TRO: variants seen among roughly 807,000 people sequenced by gnomAD.
The protein encoded by TRO is trophinin.
Under a neutral mutation model 42.3 loss-of-function variants are expected in TRO, and 29 were observed. The observed-to-expected ratio is 0.68, with a 90% CI of 0.51 to 0.93. The LOEUF is 0.93. Among genes scored for constraint, TRO ranks in the 40% least tolerant of loss-of-function variants. The probability of loss-of-function intolerance (pLI) is 0.00; values close to 1 mark genes in which losing one functional copy is unlikely to be tolerated. For missense variants in TRO, 963 were observed against 1,127.7 expected (o/e 0.85, Z 2.09); for synonymous variants, 384 against 425.2 (o/e 0.90, Z 1.19).
In TRO at chrX:54,922,815, A is replaced by G; in HGVS notation, c.283A>G (p.Ile95Val). Residue 95 changes from isoleucine to valine, a missense_variant, in exon 3 of 13, where the codon ATT (isoleucine) becomes GTT (valine). Transcript: ENST00000173898. ...AAPPVPAANE[I>V]ATNKPKITWQ... ...CCCTCCAGTCCCAGCTGCCAATGAG[A>G]TTGCCACCAACAAGCCCAAAATAAC... 1 of 1,209,273 alleles carries G rather than the reference A, an allele frequency of 8.3e-7. No individual in the cohort carries two copies. Among genetic ancestry groups the G allele is most frequent in the Non-Finnish European group, 1.1e-6 (1 of 894,150 alleles).
At chrX:54,922,546 TG>T in intron 2 of TRO, 31 bp from the exon 3 acceptor site, 4 of 1,165,767 alleles carry the variant, frequency 3.4e-6, no homozygotes, top group Middle Eastern at 2.4e-4. Context: ...CGAGGCCAAA[TG>T]GCCCAGAGGA....
rs1319315304 is a variant in TRO at position 54,923,205 on chromosome X, G to A, written c.673G>A (p.Ala225Thr). 3.3e-6 allele frequency: 4 copies of A among 1,211,530 alleles called. No individual in the cohort carries two copies. Among genetic ancestry groups the A allele is most frequent in the Non-Finnish European group, 4.5e-6 (4 of 895,504 alleles). ...AIASATEVSL[A>T]ATATHTATTQ... ...AGCTAGTGCCACCGAGGTCTCGCTG[G>A]CTGCAACTGCCACCCATACAGCTAC... Residue 225 changes from alanine to threonine, a missense_variant, in exon 3 of 13, where the codon GCT becomes ACT. Ala to Thr is a moderately conservative substitution (Grantham distance 58). Coordinates refer to ENST00000173898, the MANE Select transcript of TRO (RefSeq NM_001039705.3).
chrX:54,924,644 C>T, intron 4 of TRO, 26 bp from the exon 5 acceptor site: 1 of 1,208,249 alleles, frequency 8.3e-7, no homozygotes, highest in Non-Finnish European at 1.1e-6. Context: ...ATGTTAAGAT[C>T]TCTCCATCTA....
chrX:54,926,451 T>C lies in TRO; in HGVS notation c.1619T>C (p.Leu540Pro). The change falls in exon 8 of 13, where the codon CTG becomes CCG. Residue 540 changes from leucine to proline, a missense_variant. By Grantham distance (98) the Leu-to-Pro change is moderately conservative. This residue lies in a region of TRO where 641 missense variants were observed against 811.3 expected (regional missense o/e 0.79). Coordinates refer to ENST00000173898, the MANE Select transcript of TRO (RefSeq NM_001039705.3). ...TPKLGLLMVI[L>P]SVIFMNGNKA... ...AAGCTGGGTCTCCTCATGGTGATTC[T>C]GAGTGTCATTTTTATGAATGGCAAC... 1.6e-6 allele frequency: 2 copies of C among 1,212,289 alleles called. No individual in the cohort carries two copies. The highest frequency in any genetic ancestry group is 2.2e-6 in the Non-Finnish European group (2 of 895,644).
At chrX:54,923,857 A>C (rs2146542085) in intron 3 of TRO, 89 bp downstream of exon 3, 2 of 934,695 alleles carry the variant, frequency 2.1e-6, no homozygotes, top group African/African-American at 2.0e-5. Flanking sequence ...TAAAAGTTTT[A>C]CTTTGAGCTA....
At position 54,929,279 on chromosome X, in the gene TRO, C is replaced by T; in HGVS notation, c.2555C>T (p.Thr852Ile). Residue 852 changes from threonine to isoleucine, a missense_variant, in exon 12 of 13, where the codon ACA becomes ATA. Physicochemically the swap from Thr to Ile is moderately conservative, Grantham distance 89 (BLOSUM62 -1). This residue lies in a region of TRO where 641 missense variants were observed against 811.3 expected (regional missense o/e 0.79). Coordinates refer to ENST00000173898, the MANE Select transcript of TRO (RefSeq NM_001039705.3). ...SGGASSGFGG[T>I]LSTTAGFSGV... is the part of the protein sequence containing the mutation. Reference sequence around the variant, plus strand: ...GGAGCCAGCTCTGGCTTTGGAGGCACACTCAGCACCACGGCTGGCTTTAGT... The same window carrying T: ...GGAGCCAGCTCTGGCTTTGGAGGCATACTCAGCACCACGGCTGGCTTTAGT... The T allele has an allele frequency of 8.3e-7, 1 of 1,211,388 alleles. No homozygotes were observed. The highest frequency in any genetic ancestry group is 1.1e-6 in the Non-Finnish European group (1 of 895,248).
At chrX:54,925,410 G>A (rs190295746) in intron 6 of TRO, among the ~76,000 whole-genome samples, 182 bp from the exon 7 acceptor site, 2 of 112,092 alleles carry the variant, frequency 1.8e-5, no homozygotes, top group Non-Finnish European at 3.8e-5. Context: ...GATGACAATA[G>A]TACATTTGCT....
Position 54,920,827 on chromosome X carries a change from C to G in TRO, c.-96C>G, listed in dbSNP as rs146989702. 2.7e-5 allele frequency: 3 copies of G among 110,436 alleles called. No individual in the cohort carries two copies. Among genetic ancestry groups the G allele is most frequent in the Admixed American group, 1.9e-4 (2 of 10,423 alleles). The allele number at this position is 110,436 out of a possible 1,213,427, so 9.1% of individuals were successfully genotyped here. On this transcript the variant is annotated 5_prime_UTR_variant, in exon 1 of 13. Coordinates refer to ENST00000173898, the MANE Select transcript of TRO (RefSeq NM_001039705.3). ...GGCCAGGGAGGGGGATAGGCTCAGA[C>G]ACAAGGAGAGGCTTGGAGAGAGCAG...
At chrX:54,924,309 G>T in intron 3 of TRO, 142 bp from the exon 4 acceptor site, 1 of 524,781 alleles carries the variant, frequency 1.9e-6, no homozygotes, top group Non-Finnish European at 3.1e-6. Flanking sequence ...GTGGCCAATG[G>T]CAAGGTCAGG....
chrX:54,930,937 G>A lies in TRO; in HGVS notation c.4213G>A (p.Gly1405Ser). ...GFGGGPNTGA[G>S]FGGGPSTSAG... ...CGGCGGTGGACCAAACACTGGTGCT[G>A]GCTTTGGTGGTGGACCGAGCACCAG... The change falls in exon 12 of 13, where the codon GGC (glycine) becomes AGC (serine). Residue 1405 changes from glycine (G) to serine (S), a missense_variant. This residue lies in a region of TRO where 641 missense variants were observed against 811.3 expected (regional missense o/e 0.79). Transcript: ENST00000173898. 2 of 1,210,210 alleles carry A rather than the reference G, an allele frequency of 1.7e-6. No individual in the cohort carries two copies. The highest frequency in any genetic ancestry group is 1.7e-5 in the African/African-American group (1 of 57,672).
chrX:54,925,494 G>C, intron 6 of TRO, 98 bp from the exon 7 acceptor site: 1 of 680,114 alleles, frequency 1.5e-6, no homozygotes, highest in Non-Finnish European at 2.3e-6. Flanking sequence ...TACACATGCA[G>C]ACCCCCTAAG....
chrX:54,923,146 C>T lies in TRO; in HGVS notation c.614C>T (p.Ala205Val), dbSNP rs1569546056. 4 of 1,211,645 alleles carry T rather than the reference C, an allele frequency of 3.3e-6. No individual in the cohort carries two copies. The highest frequency in any genetic ancestry group is 4.5e-6 in the Non-Finnish European group (4 of 895,501). Residue 205 changes from alanine (A) to valine (V), a missense_variant, in exon 3 of 13, where the codon GCT becomes GTT. Ala to Val is a moderately conservative substitution (Grantham distance 64). Around this residue, in one of 2 missense-constraint regions of TRO, gnomAD observed 322 missense variants for 316.5 expected, o/e 1.02. Transcript: ENST00000173898. ...ATAACCTCTATCAAGCCTAAGAAAG[C>T]TTCCAAGGCTAAGAAGGCTGCAAAT... ...ALITSIKPKK[A>V]SKAKKAANKA... is the part of the protein sequence containing the mutation.
chrX:54,927,319 G>A (rs1283775704), intron 10 of TRO: 4 of 503,951 alleles, frequency 7.9e-6, no homozygotes, highest in Non-Finnish European at 1.4e-5. Flanking sequence ...TGCGCTCAGA[G>A]CAGAGGGCCT....
chrX:54,923,821 C>G, intron 3 of TRO, 53 bp downstream of exon 3: 1 of 1,094,924 alleles, frequency 9.1e-7, no homozygotes, highest in South Asian at 2.2e-5. Context: ...TCCATTTCTA[C>G]CCTTCTAGTT....
At position 54,923,605 on chromosome X, in the gene TRO, C is replaced by T. The variant is rs1192796414; in HGVS notation, c.1073C>T (p.Pro358Leu). 1.3e-5 allele frequency: 16 copies of T among 1,203,996 alleles called. No homozygotes were observed. Among genetic ancestry groups the T allele is most frequent in the Non-Finnish European group, 1.7e-5 (15 of 891,504 alleles). Residue 358 changes from proline to leucine, a missense_variant, in exon 3 of 13, where the codon CCA becomes CTA. Physicochemically the swap from Pro to Leu is moderately conservative, Grantham distance 98. Transcript: ENST00000173898. ...GCTCGGGCAACTGAAAGCCAGACTCCAAATGCTGACCAAGGGGCCCAGGCC... is the reference window on the plus strand; with the variant it reads ...GCTCGGGCAACTGAAAGCCAGACTCTAAATGCTGACCAAGGGGCCCAGGCC... ...TKARATESQT[P>L]NADQGAQAKI...
At position 54,931,249 on chromosome X, in the gene TRO, C is replaced by T. The variant is rs745360564; in HGVS notation, c.*57C>T. 8 of 1,211,644 alleles carry T rather than the reference C, an allele frequency of 6.6e-6. No homozygotes were observed. In the South Asian group the frequency reaches 1.4e-4, roughly 21 times the overall value. On this transcript the variant is annotated 3_prime_UTR_variant, in exon 13 of 13. Coordinates refer to ENST00000173898, the MANE Select transcript of TRO (RefSeq NM_001039705.3). ...GATACCGCTAATAAATTGCAGTAGT[C>T]CTTCCCATGGAGCCAAAGTACATCC...
chrX:54,928,928 A>G lies in TRO; in HGVS notation c.2204A>G (p.Asp735Gly), dbSNP rs1932874866. The G allele has an allele frequency of 9.1e-6, 11 of 1,210,540 alleles. No homozygotes were observed. The highest frequency in any genetic ancestry group is 1.1e-5 in the Non-Finnish European group (10 of 895,165). The change falls in exon 12 of 13, where the codon GAT becomes GGT. Residue 735 changes from aspartate to glycine, a missense_variant. Physicochemically the swap from Asp to Gly is moderately conservative, Grantham distance 94. This residue lies in a region of TRO where 641 missense variants were observed against 811.3 expected (regional missense o/e 0.79). Coordinates refer to ENST00000173898, the MANE Select transcript of TRO (RefSeq NM_001039705.3). ...RGASTRAGFS[D>G]GASISFNGAP... is the part of the protein sequence containing the mutation. Reference sequence around the variant, plus strand: ...GCTAGTACCAGGGCTGGCTTCAGCGATGGTGCTAGTATTAGCTTCAATGGT... The same window carrying G: ...GCTAGTACCAGGGCTGGCTTCAGCGGTGGTGCTAGTATTAGCTTCAATGGT...
At position 54,929,186 on chromosome X, in the gene TRO, C is replaced by T. The variant is rs200675591; in HGVS notation, c.2462C>T (p.Ala821Val). 4.1e-6 allele frequency: 5 copies of T among 1,212,360 alleles called. No individual in the cohort carries two copies. The highest frequency in any genetic ancestry group is 5.6e-6 in the Non-Finnish European group (5 of 895,626). ...ISFGGMPCTS[A>V]SFSGGVSSSF... ...TTTGGTGGCATGCCTTGTACCAGTG[C>T]CAGCTTTAGTGGTGGAGTCAGCTCT... The change falls in exon 12 of 13, where the codon GCC becomes GTC. Residue 821 changes from alanine (A) to valine (V), a missense_variant. Around this residue, in one of 2 missense-constraint regions of TRO, gnomAD observed 641 missense variants for 811.3 expected, o/e 0.79. Coordinates refer to ENST00000173898, the MANE Select transcript of TRO (RefSeq NM_001039705.3).
chrX:54,927,942 T>C (rs1295881780), intron 11 of TRO, among the ~76,000 whole-genome samples, 161 bp downstream of exon 11: 1 of 112,945 alleles, frequency 8.9e-6, no homozygotes, highest in Non-Finnish European at 1.9e-5. Context: ...ATATATAGTT[T>C]ACATCATCTC....
Sources: allele counts gnomAD v4.1 joint callset (sites outside exome capture counted in the v4.1 genomes callset), GRCh38; gene constraint gnomAD v4.1.1; regional missense constraint gnomAD v4.1.1; transcripts MANE v1.5; gene names NCBI Gene and HGNC (gene_info 2026-07-23, HGNC 2026-07-21).